PPP2R5E: variants seen among roughly 807,000 people sequenced by gnomAD.
PPP2R5E encodes the protein protein phosphatase 2 regulatory subunit B'epsilon, also known as serine/threonine-protein phosphatase 2A 56 kDa regulatory subunit epsilon isoform.
A neutral mutation model predicts 65.3 loss-of-function variants in PPP2R5E; 4 were observed. The observed-to-expected ratio is 0.06, with a 90% CI of 0.03 to 0.14. The LOEUF is 0.14. Ranked by LOEUF, PPP2R5E falls within the 10% of genes least tolerant of loss-of-function variation. The pLI, the probability that PPP2R5E is intolerant of heterozygous loss-of-function variation, is 1.00. For synonymous variants in PPP2R5E, 183 were observed against 187.4 expected, an observed-to-expected ratio of 0.98 and a Z score of 0.19; for missense variants, 274 against 556.1, an observed-to-expected ratio of 0.49 and a Z score of 5.10.
intron 5 of PPP2R5E, among the ~76,000 whole-genome samples, chr14:63,413,304 G>C (rs1886506070): frequency 6.6e-6 from 1 of 152,166 alleles, no homozygotes; most frequent in African/African-American, 2.4e-5. Context: ...CTAAATACAG[G>C]CTCTAATAGA....
At chr14:63,440,948 C>CAAAAAAAAAAAAA (rs374563795) in intron 3 of PPP2R5E, among the ~76,000 whole-genome samples, 14 of 67,626 alleles carry the variant, frequency 2.1e-4, no homozygotes, top group South Asian at 6.1e-4. Context: ...GACTCCATCT[C>CAAAAAAAAAAAAA]AAAAAAAAAA....
At position 63,380,671 on chromosome 14, in the gene PPP2R5E, A is replaced by AAC. The variant is rs1555354354; in HGVS notation, c.1304+1384_1304+1385insGT. 5.3e-5 allele frequency among the ~76,000 whole-genome samples: 8 copies of AAC among 152,042 alleles called. No individual in the cohort carries two copies. The South Asian group carries it at 8.3e-4, about 16-fold the overall frequency. On this transcript the variant is annotated intron_variant, in intron 13 of 13. Transcript: ENST00000337537. Reference sequence around the variant, plus strand: ...AGCAAGACTCCATCTCAAAAAACAAAAAAAAAAAAGTTGTTTAAACTGTGA... The same window carrying AAC: ...AGCAAGACTCCATCTCAAAAAACAAAACAAAAAAAAAGTTGTTTAAACTGTGA...
At chr14:63,537,197 C>T (rs1893698270) in intron 2 of PPP2R5E, among the ~76,000 whole-genome samples, 2 of 151,752 alleles carry the variant, frequency 1.3e-5, no homozygotes, top group Non-Finnish European at 2.9e-5. Context: ...ACCATAAGAT[C>T]CAAGAAATTA....
rs185522381 is a variant in PPP2R5E at position 63,376,645 on chromosome 14, A to C, written c.1305-537T>G. Among the ~76,000 whole-genome samples, 782 of 152,310 alleles carry C rather than the reference A, an allele frequency of 5.1e-3. 23 individuals are homozygous for C. The highest frequency in any genetic ancestry group is 0.045 in the Admixed American group (692 of 15,298). On this transcript the variant is annotated intron_variant, in intron 13 of 13. Transcript: ENST00000337537. ...ACTTTGAGATTTCACTATTTGGTAA[A>C]ACTTCCCCCAAAAATTAGATGTCCA...
intron 3 of PPP2R5E, among the ~76,000 whole-genome samples, chr14:63,433,032 GTTTTTT>G (rs747571866): frequency 5.2e-5 from 5 of 96,462 alleles, no homozygotes; most frequent in East Asian, 3.2e-4. Flanking sequence ...GTTTTGTTTT[GTTTTTT>G]TTTTTTTTTT....
chr14:63,523,699 G>T (rs1174448613), intron 2 of PPP2R5E, among the ~76,000 whole-genome samples: 5 of 117,824 alleles, frequency 4.2e-5, no homozygotes, highest in Non-Finnish European at 6.9e-5. Context: ...ACCCAAGAAT[G>T]ATCAAAAATA....
chr14:63,535,146 T>G (rs1458954068), intron 2 of PPP2R5E, among the ~76,000 whole-genome samples: 1 of 152,016 alleles, frequency 6.6e-6, no homozygotes, highest in East Asian at 1.9e-4. Context: ...CAAAATAGGC[T>G]GGGCGCAGTG....
chr14:63,427,000 G>A (rs982358319), intron 3 of PPP2R5E, among the ~76,000 whole-genome samples: 1 of 152,192 alleles, frequency 6.6e-6, no homozygotes, highest in African/African-American at 2.4e-5. Flanking sequence ...TCTAAAAATG[G>A]TTAAAAACCA....
At chr14:63,392,114 TC>T in intron 8 of PPP2R5E, 89 bp from the exon 9 acceptor site, 1 of 927,420 alleles carries the variant, frequency 1.1e-6, no homozygotes, top group Non-Finnish European at 1.6e-6. Context: ...CTAAAAGGTT[TC>T]CAGACTGCTT....
At chr14:63,466,888 G>A (rs542364453) in intron 2 of PPP2R5E, among the ~76,000 whole-genome samples, 7 of 152,226 alleles carry the variant, frequency 4.6e-5, no homozygotes, top group South Asian at 2.1e-4. Flanking sequence ...AAAGGACAGC[G>A]AACGTGTCTG....
At chr14:63,390,295 GACACACACAC>G (rs59239063) in intron 10 of PPP2R5E, among the ~76,000 whole-genome samples, 44 of 140,176 alleles carry the variant, frequency 3.1e-4, no homozygotes, top group East Asian at 2.7e-3. Context: ...ACGCATTCTC[GACACACACAC>G]ACACACACAC....
chr14:63,435,074 G>GCCC (rs1364270691), intron 3 of PPP2R5E, among the ~76,000 whole-genome samples: 1 of 152,110 alleles, frequency 6.6e-6, no homozygotes, highest in African/African-American at 2.4e-5. Context: ...AGAAAAAAAG[G>GCCC]TTTAACAAGG....
intron 2 of PPP2R5E, among the ~76,000 whole-genome samples, chr14:63,483,976 AG>A (rs1890843646): frequency 2.0e-5 from 3 of 151,622 alleles, no homozygotes; most frequent in Non-Finnish European, 4.4e-5. Flanking sequence ...CCAGCTACTC[AG>A]GGGGGCTGAG....
At position 63,387,320 on chromosome 14, in the gene PPP2R5E, A is replaced by C. The variant is rs570289405; in HGVS notation, c.1074+2292T>G. On this transcript the variant is annotated intron_variant, in intron 11 of 13. Coordinates refer to ENST00000337537, the MANE Select transcript of PPP2R5E (RefSeq NM_006246.5). ...ATTTTAATATGTAAACCCACTAATAAAAGTATGTATCCAGCCCCTTAAAGA... is the reference window on the plus strand; with the variant it reads ...ATTTTAATATGTAAACCCACTAATACAAGTATGTATCCAGCCCCTTAAAGA... 9.2e-5 allele frequency among the ~76,000 whole-genome samples: 14 copies of C among 152,312 alleles called. 1 individual carries two copies. Among genetic ancestry groups the C allele is most frequent in the African/African-American group, 3.4e-4 (14 of 41,576 alleles).
intron 3 of PPP2R5E, among the ~76,000 whole-genome samples, chr14:63,428,485 A>G (rs1193244196): frequency 6.6e-6 from 1 of 152,118 alleles, no homozygotes; most frequent in Non-Finnish European, 1.5e-5. Context: ...TTGTATTTTT[A>G]TTTACTAAAT....
chr14:63,399,044 T>C (rs374678972), intron 5 of PPP2R5E, among the ~76,000 whole-genome samples: 2 of 152,144 alleles, frequency 1.3e-5, no homozygotes, highest in Non-Finnish European at 2.9e-5. Context: ...CGAAAACACA[T>C]GTCCACACAA....
chr14:63,406,171 G>A (rs867093937), intron 5 of PPP2R5E, among the ~76,000 whole-genome samples: 1 of 152,120 alleles, frequency 6.6e-6, no homozygotes, highest in Non-Finnish European at 1.5e-5. Context: ...CAGCACTTTG[G>A]GAGGCCGAGG....
chr14:63,376,597 A>T (rs538146741), intron 13 of PPP2R5E, among the ~76,000 whole-genome samples: 1 of 152,292 alleles, frequency 6.6e-6, no homozygotes, highest in African/African-American at 2.4e-5. Flanking sequence ...AATTTCACTG[A>T]TTTTAAATTT....
In PPP2R5E at chr14:63,396,434, G is replaced by A. The variant is rs1055870929; in HGVS notation, c.680+152C>T. 3 of 956,296 alleles carry A rather than the reference G, an allele frequency of 3.1e-6. No homozygotes were observed. In the African/African-American group the frequency reaches 5.1e-5, roughly 16 times the overall value. 59.2% of individuals were successfully genotyped at this position (956,296 alleles called of 1,614,324 possible). A position where few individuals can be genotyped will look rare whatever the true frequency, so the allele number is the denominator to read the frequency against. ...GAGGAGAGGAGGGGGAGGGGGTAGA[G>A]GAAGAGGCAGGAGAGTCAGTAGAAT... On this transcript the variant is annotated intron_variant, in intron 6 of 13. Coordinates refer to ENST00000337537, the MANE Select transcript of PPP2R5E (RefSeq NM_006246.5).
Sources: gnomAD v4.1 joint callset for allele counts (sites outside exome capture counted in the v4.1 genomes callset) on GRCh38, gnomAD v4.1.1 for gene constraint, MANE v1.5 for transcripts, NCBI Gene and HGNC (gene_info 2026-07-23, HGNC 2026-07-21) for gene names.